CELF2: variants seen among roughly 807,000 people sequenced by gnomAD.
CELF2 encodes the protein CUGBP Elav-like family member 2.
Under a neutral mutation model 62.6 loss-of-function variants are expected in CELF2, and 8 were observed. That is an observed-to-expected ratio of 0.13 (90% CI 0.07 to 0.23). The LOEUF (loss-of-function observed/expected upper bound fraction) is 0.23, where lower values mean the gene tolerates loss of function less well. CELF2 is among the 10% of genes least tolerant of loss of function. CELF2 has a pLI of 1.00. For missense variants in CELF2, 333 were observed against 671.0 expected, an observed-to-expected ratio of 0.50 and a Z score of 5.56; for synonymous variants, 258 against 250.0, an observed-to-expected ratio of 1.03 and a Z score of -0.30.
intron 1 of CELF2, among the ~76,000 whole-genome samples, chr10:10,881,490 T>C (rs2061435020): frequency 2.0e-5 from 3 of 152,180 alleles, no homozygotes; most frequent in Admixed American, 2.0e-4. Flanking sequence ...AATGCCTCTC[T>C]CCAAAGATTT....
At chr10:11,081,535 T>C (rs2074036398) in intron 1 of CELF2, among the ~76,000 whole-genome samples, 1 of 152,204 alleles carries the variant, frequency 6.6e-6, no homozygotes, top group South Asian at 2.1e-4. Flanking sequence ...GCTTTGCTGT[T>C]TTGGCACTGA....
chr10:11,210,690 T>A (rs1565323283), intron 2 of CELF2, among the ~76,000 whole-genome samples: 1 of 151,922 alleles, frequency 6.6e-6, no homozygotes, highest in Non-Finnish European at 1.5e-5. Flanking sequence ...TGCAGAAGAG[T>A]CATGAGGAAT....
intron 1 of CELF2, among the ~76,000 whole-genome samples, chr10:11,121,214 T>A (rs1454730740): frequency 1.3e-5 from 2 of 152,154 alleles, no homozygotes; most frequent in Non-Finnish European, 2.9e-5. Flanking sequence ...CCTTGATGGG[T>A]CCAATTACAT....
chr10:11,259,498 A>G (rs899407780), intron 5 of CELF2, among the ~76,000 whole-genome samples: 3 of 151,868 alleles, frequency 2.0e-5, no homozygotes, highest in East Asian at 3.9e-4. Flanking sequence ...AAATTTTGTT[A>G]TATAACACTC....
chr10:10,756,196 C>T, the CELF2 span, among the ~76,000 whole-genome samples: 4 of 152,146 alleles, frequency 2.6e-5, no homozygotes, highest in Non-Finnish European at 4.4e-5. Flanking sequence ...CTTTCCATTT[C>T]TATATATTTT....
intron 1 of CELF2, among the ~76,000 whole-genome samples, chr10:11,155,076 T>A (rs1436654675): frequency 1.3e-5 from 2 of 152,208 alleles, no homozygotes; most frequent in African/African-American, 4.8e-5. Context: ...AATGAGCCAG[T>A]CTGATGAGCT....
chr10:10,645,904 G>C, the CELF2 span, among the ~76,000 whole-genome samples: 8 of 152,186 alleles, frequency 5.3e-5, no homozygotes, highest in Non-Finnish European at 1.2e-4. Context: ...AGGGTAACTC[G>C]TTCTGGTTTT....
chr10:11,024,918 A>G (rs940980225), intron 1 of CELF2, among the ~76,000 whole-genome samples: 1 of 152,188 alleles, frequency 6.6e-6, no homozygotes, highest in African/African-American at 2.4e-5. Flanking sequence ...AAGTACTTTG[A>G]TTTACATACT....
At chr10:10,598,198 G>T in the CELF2 span, among the ~76,000 whole-genome samples, 1 of 152,184 alleles carries the variant, frequency 6.6e-6, no homozygotes, top group South Asian at 2.1e-4. Context: ...AAATATTTCA[G>T]ATGAGATGCT....
chr10:11,061,534 T>C (rs1044390433), intron 1 of CELF2, among the ~76,000 whole-genome samples: 3 of 152,196 alleles, frequency 2.0e-5, no homozygotes, highest in African/African-American at 4.8e-5. Context: ...ACAACAGGTT[T>C]TTCAAGGTAA....
the CELF2 span, among the ~76,000 whole-genome samples, chr10:10,689,820 T>C: frequency 6.6e-6 from 1 of 152,210 alleles, no homozygotes; most frequent in African/African-American, 2.4e-5. Flanking sequence ...ACGAAATATG[T>C]ACGTGTGAAC....
rs148472466 is a variant in CELF2, at chr10:11,145,886, G to GAC, written c.75-19599_75-19598insCA. Among the ~76,000 whole-genome samples the GAC allele has an allele frequency of 0.012, 1,776 of 152,308 alleles. 29 individuals carry two copies. The highest frequency in any genetic ancestry group is 0.041 in the African/African-American group (1,683 of 41,552). On this transcript the variant is annotated intron_variant, in intron 1 of 12. Transcript: ENST00000633077. This position sits in a 1 kb window ranked among gnomAD's most constrained non-coding sequence, Gnocchi z 4.3. ...TATACGTTGTTTACATTTTATGAGA[G>GAC]AATTATTCCTTATGTATACTTTTTT...
intron 1 of CELF2, among the ~76,000 whole-genome samples, chr10:11,068,418 T>C (rs1337642755): frequency 6.6e-6 from 1 of 152,220 alleles, no homozygotes; most frequent in Non-Finnish European, 1.5e-5. Context: ...ACCCTCAGTA[T>C]ACCATCAGGG....
In CELF2 at chr10:11,086,601, A is replaced by C. The variant is rs1056744756; in HGVS notation, c.74+68438A>C. Among the ~76,000 whole-genome samples, 31 of 140,794 alleles carry C rather than the reference A, an allele frequency of 2.2e-4. 1 individual carries two copies. Among genetic ancestry groups the C allele is most frequent in the African/African-American group, 8.2e-4 (29 of 35,440 alleles). The allele number at this position is 140,794 out of a possible 152,430, so 92.4% of individuals were successfully genotyped here. On this transcript the variant is annotated intron_variant, in intron 1 of 12. Coordinates refer to ENST00000633077, the MANE Select transcript of CELF2 (RefSeq NM_001326342.2). The stretch of plus-strand genomic sequence containing the variant: ...GTTAAAAAAAAAAAAAAAAAAAAAA[A>C]AAAAAAAAACTCCCGACAGCACCAG...
At chr10:11,216,187 T>C (rs2063320822) in intron 2 of CELF2, among the ~76,000 whole-genome samples, 1 of 152,208 alleles carries the variant, frequency 6.6e-6, no homozygotes, top group African/African-American at 2.4e-5. Context: ...TTTGTATATA[T>C]TGACTGTCAG....
chr10:10,587,178 TAGA>T, the CELF2 span, among the ~76,000 whole-genome samples: 1 of 152,132 alleles, frequency 6.6e-6, no homozygotes. Flanking sequence ...CATCACCAAG[TAGA>T]AGGAGAAAGC....
intron 1 of CELF2, among the ~76,000 whole-genome samples, chr10:11,112,390 G>C (rs936891387): frequency 1.3e-5 from 2 of 152,218 alleles, no homozygotes; most frequent in African/African-American, 4.8e-5. Context: ...GAAACTGCAG[G>C]AGTTAGAGAA....
intron 1 of CELF2, among the ~76,000 whole-genome samples, chr10:11,137,294 A>G (rs541782555): frequency 6.6e-6 from 1 of 152,330 alleles, no homozygotes; most frequent in Non-Finnish European, 1.5e-5. Context: ...GAAATGTTCT[A>G]TTTAATACTT....
At chr10:11,007,623 A>G (rs941901741) in intron 1 of CELF2, among the ~76,000 whole-genome samples, 3 of 152,204 alleles carry the variant, frequency 2.0e-5, no homozygotes, top group South Asian at 2.1e-4. Context: ...ATCGTATACC[A>G]ATAACTGCTT....
Sources: allele counts gnomAD v4.1 joint callset (sites outside exome capture counted in the v4.1 genomes callset), GRCh38; gene constraint gnomAD v4.1.1; non-coding constraint Gnocchi (gnomAD v3.1); transcripts MANE v1.5; gene names NCBI Gene and HGNC (gene_info 2026-07-23, HGNC 2026-07-21).